MROH2A: variants seen among roughly 807,000 people sequenced by gnomAD.
MROH2A encodes the protein maestro heat-like repeat-containing protein family member 2A.
MROH2A carries 174 observed loss-of-function variants against 200.4 expected under a neutral mutation model. That is an observed-to-expected ratio of 0.87 (90% CI 0.77 to 0.98). The LOEUF (loss-of-function observed/expected upper bound fraction) is 0.98, where lower values mean the gene tolerates loss of function less well. Among genes scored for constraint, MROH2A ranks in the 50% least tolerant of loss-of-function variants. The pLI, the probability that MROH2A is intolerant of heterozygous loss-of-function variation, is 0.00. For missense variants in MROH2A, 2,045 were observed against 2,139.6 expected, an observed-to-expected ratio of 0.96 and a Z score of 0.87; for synonymous variants, 829 against 840.4, an observed-to-expected ratio of 0.99 and a Z score of 0.23.
chr2:233,788,938 CAAAAAAAAAAAAAAAAAA>C lies in MROH2A; in HGVS notation c.277-545_277-528del, dbSNP rs56084976. Among the ~76,000 whole-genome samples, 78 of 47,488 alleles carry C rather than the reference CAAAAAAAAAAAAAAAAAA, an allele frequency of 1.6e-3. No individual in the cohort carries two copies. The East Asian group carries it at 0.028, about 17-fold the overall frequency. 31.2% of individuals were successfully genotyped at this position (47,488 alleles called of 152,430 possible). A position where few individuals can be genotyped will look rare whatever the true frequency, so the allele number is the denominator to read the frequency against. ...CGGGCGGCAGAGCGAGACTCCGTCT[CAAAAAAAAAAAAAAAAAA>C]AAAAAAAAAAAAAGAGTAACTTGTC... is the stretch of plus-strand genomic sequence containing the variant. On this transcript the variant is annotated intron_variant, in intron 3 of 41. Transcript: ENST00000389758.
In MROH2A at chr2:233,804,209, G is replaced by C; in HGVS notation, c.1891+17G>C. 6.5e-7 allele frequency: 1 copy of C among 1,550,014 alleles called. No individual in the cohort carries two copies. Reference sequence around the variant, plus strand: ...ACCTGGAAGGTGAGGTTCCTGGGGAGCCCATCCCAAGCCAACCCTCCAATC... The same window carrying C: ...ACCTGGAAGGTGAGGTTCCTGGGGACCCCATCCCAAGCCAACCCTCCAATC... On this transcript the variant is annotated intron_variant, in intron 17 of 41. Coordinates refer to ENST00000389758, the MANE Select transcript of MROH2A (RefSeq NM_001394639.1).
At chr2:233,814,700 A>ATCCCTGGCTCTGGCCC in intron 26 of MROH2A, 23 bp downstream of exon 26, 1 of 1,526,432 alleles carries the variant, frequency 6.6e-7, no homozygotes, top group Non-Finnish European at 8.9e-7. Context: ...GTGGCGGGCC[A>ATCCCTGGCTCTGGCCC]GAGCCAGGGA....
At chr2:233,809,746 C>A (rs7585882) in intron 22 of MROH2A, among the ~76,000 whole-genome samples, 107,201 of 152,100 alleles carry the variant, frequency 0.7, 38,107 homozygotes, top group African/African-American at 0.78. Flanking sequence ...CAAAATACAC[C>A]TAACATAAAG....
intron 15 of MROH2A, 91 bp from the exon 16 acceptor site, chr2:233,803,357 C>T (rs1299469427): frequency 1.4e-6 from 2 of 1,396,084 alleles, no homozygotes; most frequent in East Asian, 2.5e-5. Flanking sequence ...GGGGAGGAAC[C>T]TTCTAGGGTA....
chr2:233,807,147 A>ATT lies in MROH2A; in HGVS notation c.2053-275_2053-274dup, dbSNP rs1050412190. Among the ~76,000 whole-genome samples, 2 of 127,748 alleles carry ATT rather than the reference A, an allele frequency of 1.6e-5. No individual in the cohort carries two copies. The highest frequency in any genetic ancestry group is 3.1e-5 in the Non-Finnish European group (2 of 64,110). The allele number at this position is 127,748 out of a possible 152,430, so 83.8% of individuals were successfully genotyped here. A position where few individuals can be genotyped will look rare whatever the true frequency, so the allele number is the denominator to read the frequency against. On this transcript the variant is annotated intron_variant, in intron 19 of 41. Coordinates refer to ENST00000389758, the MANE Select transcript of MROH2A (RefSeq NM_001394639.1). This position sits in a 1 kb window ranked among gnomAD's most constrained non-coding sequence, Gnocchi z 4.3. Reference sequence around the variant, plus strand: ...CTTTTTTGTGGCTGAGTAGTATTCCATTATATATATATATAATATGAACTG... The same window carrying ATT: ...CTTTTTTGTGGCTGAGTAGTATTCCATTTTATATATATATATAATATGAACTG...
At chr2:233,787,916 A>ATATACATATATAT (rs1701404242) in intron 3 of MROH2A, among the ~76,000 whole-genome samples, 1 of 62,102 alleles carries the variant, frequency 1.6e-5, no homozygotes. Context: ...TATATATTAT[A>ATATACATATATAT]TATATACATA....
chr2:233,794,502 C>A lies in MROH2A; in HGVS notation c.962C>A (p.Thr321Lys). 6.6e-7 allele frequency: 1 copy of A among 1,510,792 alleles called. No homozygotes were observed. Among genetic ancestry groups the A allele is most frequent in the Non-Finnish European group, 9.0e-7 (1 of 1,110,906 alleles). 93.6% of individuals were successfully genotyped at this position (1,510,792 alleles called of 1,614,324 possible). A position where few individuals can be genotyped will look rare whatever the true frequency, so the allele number is the denominator to read the frequency against. ...GGCAGTCTGGAGGTGCTCTTCGTCACGCAGGCGAGTGGCCAGGCAGCCACG... is the reference window on the plus strand; with the variant it reads ...GGCAGTCTGGAGGTGCTCTTCGTCAAGCAGGCGAGTGGCCAGGCAGCCACG... ...YQGSLEVLFV[T>K]QVLRQILELS... Residue 321 changes from threonine (T) to lysine (K), a missense_variant, in exon 8 of 42, where the codon ACG (threonine) becomes AAG (lysine). Transcript: ENST00000389758.
rs1038946372 is a variant in MROH2A, at chr2:233,789,522, T to C, written c.302T>C (p.Ile101Thr). 1 of 1,458,202 alleles carries C rather than the reference T, an allele frequency of 6.9e-7. No individual in the cohort carries two copies. The highest frequency in any genetic ancestry group is 9.1e-7 in the Non-Finnish European group (1 of 1,102,876). 90.3% of individuals were successfully genotyped at this position (1,458,202 alleles called of 1,614,324 possible). A position where few individuals can be genotyped will look rare whatever the true frequency, so the allele number is the denominator to read the frequency against. Residue 101 changes from isoleucine to threonine, a missense_variant, in exon 4 of 42, where the codon ATT becomes ACT. By Grantham distance (89) the Ile-to-Thr change is moderately conservative. Transcript: ENST00000389758. Reference protein sequence around the residue: ...PEISTQRKVNIYNILQDIIQQ... With the variant: ...PEISTQRKVNTYNILQDIIQQ... ...ATTTCCACCCAGCGCAAGGTCAACA[T>C]TTACAACATCCTCCAGGACATCATC...
In MROH2A at chr2:233,819,905, G is replaced by C; in HGVS notation, c.3361G>C (p.Ala1121Pro). The C allele has an allele frequency of 6.6e-7, 1 of 1,510,296 alleles. No individual in the cohort carries two copies. Among genetic ancestry groups the C allele is most frequent in the Non-Finnish European group, 8.9e-7 (1 of 1,121,102 alleles). 93.6% of individuals were successfully genotyped at this position (1,510,296 alleles called of 1,614,324 possible). Residue 1121 changes from alanine to proline, a missense_variant, in exon 31 of 42, where the codon GCC becomes CCC. Coordinates refer to ENST00000389758, the MANE Select transcript of MROH2A (RefSeq NM_001394639.1). Reference sequence around the variant, plus strand: ...GTGATGCCCCATCCCTACCTAGGTGGCCGAGATCCTGAGTGCCATCCTGGT... The same window carrying C: ...GTGATGCCCCATCCCTACCTAGGTGCCCGAGATCCTGAGTGCCATCCTGGT... ...MRAKELEDKVAEILSAILVHL... is the reference protein window; with the variant it reads ...MRAKELEDKVPEILSAILVHL...
rs1367998978 is a variant in MROH2A at position 233,819,425 on chromosome 2, A to G, written c.3313A>G (p.Ile1105Val). 1 of 1,550,420 alleles carries G rather than the reference A, an allele frequency of 6.4e-7. No individual in the cohort carries two copies. Among genetic ancestry groups the G allele is most frequent in the Non-Finnish European group, 8.7e-7 (1 of 1,146,980 alleles). Residue 1105 changes from isoleucine (I) to valine (V), a missense_variant, in exon 30 of 42, where the codon ATA (isoleucine) becomes GTA (valine). Transcript: ENST00000389758. ...GCATGACAAGGCCTCTGTCACCTGG[A>G]TAGCCTTCTTCCTCCAGATGCGGGC... ...LQHDKASVTW[I>V]AFFLQMRAKE...
In MROH2A at chr2:233,793,795, A is replaced by T; in HGVS notation, c.793A>T (p.Thr265Ser). 6.8e-7 allele frequency: 1 copy of T among 1,471,438 alleles called. No homozygotes were observed. The highest frequency in any genetic ancestry group is 9.0e-7 in the Non-Finnish European group (1 of 1,108,794). The allele number at this position is 1,471,438 out of a possible 1,614,324, so 91.1% of individuals were successfully genotyped here. The stretch of plus-strand genomic sequence containing the variant: ...GTTCCCCATGTATCGCTACTTCGTG[A>T]CAGTGTGGCTGAGGCACTACAACCC... ...KVFPMYRYFV[T>S]VWLRHYNPEV... Residue 265 changes from threonine to serine, a missense_variant, in exon 7 of 42, where the codon ACA (threonine) becomes TCA (serine). Around this residue, in one of 3 missense-constraint regions of MROH2A, gnomAD observed 831 missense variants for 800.0 expected, o/e 1.04. Coordinates refer to ENST00000389758, the MANE Select transcript of MROH2A (RefSeq NM_001394639.1).
chr2:233,829,995 AAGC>A (rs1489032191), intron 38 of MROH2A, among the ~76,000 whole-genome samples: 3 of 152,014 alleles, frequency 2.0e-5, no homozygotes, highest in African/African-American at 7.2e-5. Flanking sequence ...CCACCTCACT[AAGC>A]AGTCTCAGCC....
At position 233,800,299 on chromosome 2, in the gene MROH2A, T is replaced by A. The variant is rs1191573134; in HGVS notation, c.1544T>A (p.Val515Asp). ...MDTVKIITSS[V>D]SGMTTEFWVR... is the part of the protein sequence containing the mutation. ...ACTGTGAAGATCATTACCTCTTCTG[T>A]CAGTGGGATGACCACCGTGAGTGGG... The change falls in exon 14 of 42, where the codon GTC (valine) becomes GAC (aspartate). Residue 515 changes from valine to aspartate, a missense_variant. This residue lies in a region of MROH2A where 831 missense variants were observed against 800.0 expected (regional missense o/e 1.04). Transcript: ENST00000389758. 9 of 1,548,062 alleles carry A rather than the reference T, an allele frequency of 5.8e-6. No individual in the cohort carries two copies. The highest frequency in any genetic ancestry group is 7.0e-6 in the Non-Finnish European group (8 of 1,145,666).
chr2:233,779,203 A>G, intron 1 of MROH2A, 142 bp from the exon 2 acceptor site: 4 of 625,518 alleles, frequency 6.4e-6, no homozygotes, highest in Non-Finnish European at 1.2e-5. Flanking sequence ...CACCTTTGCC[A>G]TATTCTGTTG....
chr2:233,816,975 T>C (rs1465262225), intron 27 of MROH2A, 90 bp downstream of exon 27: 8 of 803,538 alleles, frequency 1.0e-5, no homozygotes, highest in Admixed American at 6.9e-5. Flanking sequence ...GGAACACTTA[T>C]GAAATCAAGT....
intron 3 of MROH2A, among the ~76,000 whole-genome samples, chr2:233,781,811 G>A (rs1436387706): frequency 2.6e-5 from 4 of 152,008 alleles, no homozygotes; most frequent in Non-Finnish European, 4.4e-5. Context: ...CAATTTCCTG[G>A]AGCATTTCCC....
intron 22 of MROH2A, 66 bp from the exon 23 acceptor site, chr2:233,810,727 TG>T: frequency 6.5e-7 from 1 of 1,529,954 alleles, no homozygotes; most frequent in Non-Finnish European, 8.8e-7. Flanking sequence ...GAGCAGAAGC[TG>T]CAGCTTGGAT....
chr2:233,829,550 T>G, intron 37 of MROH2A, 70 bp from the exon 38 acceptor site: 6 of 1,336,868 alleles, frequency 4.5e-6, no homozygotes, highest in Non-Finnish European at 5.8e-6. Context: ...GGGTATTCCT[T>G]GGAGAATGGC....
chr2:233,798,439 CCT>C (rs1702253147), intron 11 of MROH2A, among the ~76,000 whole-genome samples: 1 of 152,180 alleles, frequency 6.6e-6, no homozygotes, highest in Non-Finnish European at 1.5e-5. Flanking sequence ...TGCTTTGCAA[CCT>C]CTGTGTGCCC....
Sources: gnomAD v4.1 joint callset for allele counts (sites outside exome capture counted in the v4.1 genomes callset) on GRCh38, gnomAD v4.1.1 for gene constraint, gnomAD v4.1.1 regional missense constraint, Gnocchi (gnomAD v3.1) non-coding constraint, MANE v1.5 for transcripts, NCBI Gene and HGNC (gene_info 2026-07-23, HGNC 2026-07-21) for gene names.